The following MYO7B variants were observed in gnomAD, a reference collection of about 807,000 sequenced individuals.
MYO7B encodes the protein unconventional myosin-VIIb.
Under a neutral mutation model 259.7 loss-of-function variants are expected in MYO7B, and 212 were observed. That is an observed-to-expected ratio of 0.82 (90% CI 0.73 to 0.91). The LOEUF is 0.91. MYO7B is among the 40% of genes least tolerant of loss of function. The pLI, the probability that MYO7B is intolerant of heterozygous loss-of-function variation, is 0.00. For missense variants in MYO7B, 2,732 were observed against 2,813.5 expected (o/e 0.97, Z 0.66); for synonymous variants, 1,197 against 1,166.4 (o/e 1.03, Z -0.54).
rs1314536781 is a variant in MYO7B, at chr2:127,627,272, ACTCTCTTT to A, written c.4424_4431del (p.Leu1475ProfsTer25). On this transcript the variant is annotated frameshift_variant, in exon 33 of 48. Coordinates refer to ENST00000409816, the MANE Select transcript of MYO7B (RefSeq NM_001393586.1). LOFTEE classifies it high-confidence loss of function. The surrounding 1 kb of genome is among the most constrained non-coding windows in gnomAD (Gnocchi z 5.6). Reference sequence around the variant, plus strand: ...ACCAGCAGGAGAAGATGCTGCTGGAACTCTCTTTCCCAGAGGTCATGGGTCTGGCCACC... The same window carrying A: ...ACCAGCAGGAGAAGATGCTGCTGGAACCCAGAGGTCATGGGTCTGGCCACC... 1.9e-6 allele frequency: 3 copies of A among 1,611,228 alleles called. No individual in the cohort carries two copies. Among genetic ancestry groups the A allele is most frequent in the Non-Finnish European group, 2.5e-6 (3 of 1,179,484 alleles).
At chr2:127,598,533 A>T (rs1429078240) in intron 19 of MYO7B, among the ~76,000 whole-genome samples, 1 of 152,188 alleles carries the variant, frequency 6.6e-6, no homozygotes, top group East Asian at 1.9e-4. Context: ...TAGTCTGTAG[A>T]TTGTCTCTTC....
At chr2:127,617,487 G>GTTGT (rs1680614845) in intron 26 of MYO7B, among the ~76,000 whole-genome samples, 1 of 84,828 alleles carries the variant, frequency 1.2e-5, no homozygotes, top group Non-Finnish European at 2.2e-5. Context: ...TTGTAACGGG[G>GTTGT]TTTTTTTTTT....
intron 19 of MYO7B, among the ~76,000 whole-genome samples, chr2:127,598,080 A>C (rs1270954555): frequency 6.6e-6 from 1 of 152,118 alleles, no homozygotes; most frequent in East Asian, 1.9e-4. Flanking sequence ...AACATTTATG[A>C]GGTTTTTGTG....
At chr2:127,579,999 GAC>G (rs1425292821) in intron 9 of MYO7B, among the ~76,000 whole-genome samples, 1 of 152,202 alleles carries the variant, frequency 6.6e-6, no homozygotes, top group Non-Finnish European at 1.5e-5. Flanking sequence ...GGAGGAGAGG[GAC>G]ACAGTCTCAG....
At chr2:127,537,479 C>A (rs12616100) in intron 1 of MYO7B, among the ~76,000 whole-genome samples, 111,891 of 152,078 alleles carry the variant, frequency 0.74, 41,623 homozygotes, top group African/African-American at 0.84. Context: ...GGTCCACATA[C>A]CAAGCTGTTC....
rs116521436 is a variant in MYO7B, at chr2:127,619,473, C to T, written c.3399-867C>T. Among the ~76,000 whole-genome samples the T allele has an allele frequency of 6.6e-3, 1,000 of 152,066 alleles. 4 individuals are homozygous for T. Among genetic ancestry groups the T allele is most frequent in the Non-Finnish European group, 0.011 (742 of 67,978 alleles). On this transcript the variant is annotated intron_variant, in intron 26 of 47. Transcript: ENST00000409816. ...GGGCTCCAGGATGACCCCCAGATTT[C>T]CAGTTTGGGTGAATGGCTGATGGCG... is the stretch of plus-strand genomic sequence containing the variant.
At position 127,627,603 on chromosome 2, in the gene MYO7B, A is replaced by G. The variant is rs1047700180; in HGVS notation, c.4460+293A>G. The G allele has an allele frequency of 7.6e-6, 4 of 529,764 alleles. No homozygotes were observed. The highest frequency in any genetic ancestry group is 3.1e-5 in the South Asian group (2 of 65,198). The allele number at this position is 529,764 out of a possible 1,614,324, so 32.8% of individuals were successfully genotyped here. A position where few individuals can be genotyped will look rare whatever the true frequency, so the allele number is the denominator to read the frequency against. ...GGGAAGCGTGCAGCCTCTGGCGGGCACTTATTTAGAAGGCTCCTTTCTTTG... is the reference window on the plus strand; with the variant it reads ...GGGAAGCGTGCAGCCTCTGGCGGGCGCTTATTTAGAAGGCTCCTTTCTTTG... On this transcript the variant is annotated intron_variant, in intron 33 of 47. Transcript: ENST00000409816. The surrounding 1 kb of genome is among the most constrained non-coding windows in gnomAD (Gnocchi z 5.6).
In MYO7B at chr2:127,546,762, GTCCATCCATCCATCCATCCA is replaced by G. The variant is rs3034060; in HGVS notation, c.-24+10954_-24+10973del. 1.3e-5 allele frequency among the ~76,000 whole-genome samples: 2 copies of G among 149,432 alleles called. No homozygotes were observed. Among genetic ancestry groups the G allele is most frequent in the East Asian group, 2.0e-4 (1 of 5,006 alleles). On this transcript the variant is annotated intron_variant, in intron 1 of 47. Transcript: ENST00000409816. This position sits in a 1 kb window ranked among gnomAD's most constrained non-coding sequence, Gnocchi z 4.2. The stretch of plus-strand genomic sequence containing the variant: ...ATGCCTCACCTGCTTTCCTGGGTAG[GTCCATCCATCCATCCATCCA>G]TCCATCCATCCATCCATCCATCAAT...
chr2:127,547,308 A>G (rs1693270921), intron 1 of MYO7B, among the ~76,000 whole-genome samples: 1 of 152,226 alleles, frequency 6.6e-6, no homozygotes, highest in Admixed American at 6.5e-5. Flanking sequence ...ACATAAAAAC[A>G]GGGATAAATG....
intron 24 of MYO7B, 33 bp downstream of exon 24, chr2:127,610,049 C>A (rs141289493): frequency 4.4e-6 from 7 of 1,599,172 alleles, no homozygotes; most frequent in South Asian, 1.1e-5. Context: ...CAGAGGAGGG[C>A]GACACCTACC....
chr2:127,582,044 A>G (rs1278530859), intron 11 of MYO7B, 34 bp downstream of exon 11: 2 of 1,612,552 alleles, frequency 1.2e-6, no homozygotes, highest in African/African-American at 1.3e-5. Flanking sequence ...TTACATGGCC[A>G]TCTGTTGACC....
At position 127,559,927 on chromosome 2, in the gene MYO7B, G is replaced by A. The variant is rs1160894451; in HGVS notation, c.18+187G>A. ...ACAAGTTTGGCCAGCCACTGGCCTCGGCAATACATGTATAGTTATGTATAG... is the reference window on the plus strand; with the variant it reads ...ACAAGTTTGGCCAGCCACTGGCCTCAGCAATACATGTATAGTTATGTATAG... On this transcript the variant is annotated intron_variant, in intron 2 of 47. Transcript: ENST00000409816. The surrounding 1 kb of genome is among the most constrained non-coding windows in gnomAD (Gnocchi z 4.1). Among the ~76,000 whole-genome samples the A allele has an allele frequency of 3.9e-5, 6 of 152,090 alleles. No individual in the cohort carries two copies. The highest frequency in any genetic ancestry group is 6.5e-5 in the Admixed American group (1 of 15,274).
In MYO7B at chr2:127,613,793, G is replaced by A. The variant is rs1206454430; in HGVS notation, c.3398+1190G>A. ...AACTCTGTCTCCTCCATGATGAGCA[G>A]AAGCTAGAATCCCTTTTTAGTTATT... On this transcript the variant is annotated intron_variant, in intron 26 of 47. Coordinates refer to ENST00000409816, the MANE Select transcript of MYO7B (RefSeq NM_001393586.1). The surrounding 1 kb of genome is among the most constrained non-coding windows in gnomAD (Gnocchi z 4.3). 6.6e-6 allele frequency among the ~76,000 whole-genome samples: 1 copy of A among 152,228 alleles called. No individual in the cohort carries two copies. Among genetic ancestry groups the A allele is most frequent in the Non-Finnish European group, 1.5e-5 (1 of 68,048 alleles).
intron 6 of MYO7B, 89 bp downstream of exon 6, chr2:127,569,999 C>T (rs1678527626): frequency 7.0e-7 from 1 of 1,421,762 alleles, no homozygotes; most frequent in Non-Finnish European, 9.4e-7. Context: ...CAGGATAGGC[C>T]ACAAACCTTC....
rs1243062875 is a variant in MYO7B at position 127,629,681 on chromosome 2, T to C, written c.4661T>C (p.Leu1554Pro). ...CTCCTGGCCTTCAAGAAGGGGGACC[T>C]GTTGGTCCTCACAAAGAAGCAGGGG... The part of the protein sequence containing the change: ...TTLLAFKKGD[L>P]LVLTKKQGLL... Residue 1554 changes from leucine to proline, a missense_variant, in exon 35 of 48, where the codon CTG becomes CCG. Around this residue, in one of 3 missense-constraint regions of MYO7B, gnomAD observed 821 missense variants for 769.3 expected, o/e 1.07. Coordinates refer to ENST00000409816, the MANE Select transcript of MYO7B (RefSeq NM_001393586.1). The C allele has an allele frequency of 6.2e-7, 1 of 1,612,380 alleles. No homozygotes were observed. Among genetic ancestry groups the C allele is most frequent in the Non-Finnish European group, 8.5e-7 (1 of 1,179,434 alleles).
chr2:127,586,529 A>T lies in MYO7B; in HGVS notation c.1690+1616A>T, dbSNP rs549589605. On this transcript the variant is annotated intron_variant, in intron 14 of 47. Coordinates refer to ENST00000409816, the MANE Select transcript of MYO7B (RefSeq NM_001393586.1). This position sits in a 1 kb window ranked among gnomAD's most constrained non-coding sequence, Gnocchi z 4.8. Reference sequence around the variant, plus strand: ...AAGGGAAAGGTGCCGTGGCTCCTTCATAGTTCCTGCCACATCCTGGCTTTG... The same window carrying T: ...AAGGGAAAGGTGCCGTGGCTCCTTCTTAGTTCCTGCCACATCCTGGCTTTG... Among the ~76,000 whole-genome samples, 8 of 152,186 alleles carry T rather than the reference A, an allele frequency of 5.3e-5. No individual in the cohort carries two copies. The highest frequency in any genetic ancestry group is 1.0e-4 in the Non-Finnish European group (7 of 68,038).
rs1178579290 is a variant in MYO7B at position 127,619,244 on chromosome 2, C to G, written c.3399-1096C>G. 1.3e-3 allele frequency among the ~76,000 whole-genome samples: 126 copies of G among 95,330 alleles called. 1 individual carries two copies. The highest frequency in any genetic ancestry group is 5.2e-3 in the African/African-American group (118 of 22,730). The allele number at this position is 95,330 out of a possible 152,430, so 62.5% of individuals were successfully genotyped here. A position where few individuals can be genotyped will look rare whatever the true frequency, so the allele number is the denominator to read the frequency against. ...GTGGGGGGTGGTTGGGTTGTGGGGGCTGGTTGGGTTGTGGCCAGTTGGATG... is the reference window on the plus strand; with the variant it reads ...GTGGGGGGTGGTTGGGTTGTGGGGGGTGGTTGGGTTGTGGCCAGTTGGATG... On this transcript the variant is annotated intron_variant, in intron 26 of 47. Coordinates refer to ENST00000409816, the MANE Select transcript of MYO7B (RefSeq NM_001393586.1).
rs1681783017 is a variant in MYO7B, at chr2:127,636,029, G to A, written c.6006+122G>A. The stretch of plus-strand genomic sequence containing the variant: ...GTGCACATGGGTGGTGTGGAGGGTG[G>A]GCTGGCTCTGCACACACCACGCCTT... On this transcript the variant is annotated intron_variant, in intron 44 of 47. Coordinates refer to ENST00000409816, the MANE Select transcript of MYO7B (RefSeq NM_001393586.1). The surrounding 1 kb of genome is among the most constrained non-coding windows in gnomAD (Gnocchi z 4.5). 1 of 1,287,796 alleles carries A rather than the reference G, an allele frequency of 7.8e-7. No homozygotes were observed. Among genetic ancestry groups the A allele is most frequent in the African/African-American group, 1.5e-5 (1 of 67,286 alleles). 79.8% of individuals were successfully genotyped at this position (1,287,796 alleles called of 1,614,324 possible).
rs560439195 is a variant in MYO7B at position 127,624,141 on chromosome 2, C to T, written c.3868C>T (p.Arg1290Trp). The T allele has an allele frequency of 1.2e-5, 19 of 1,593,346 alleles. No individual in the cohort carries two copies. The highest frequency in any genetic ancestry group is 9.1e-5 in the South Asian group (8 of 87,618). ...GRDHMMDAIARCEQMAQERGE... is the reference protein window; with the variant it reads ...GRDHMMDAIAWCEQMAQERGE... ...CGACCACATGATGGATGCCATCGCC[C>T]GGTGTGAGCAGATGGCCCAGGAGAG... The change falls in exon 30 of 48, where the codon CGG becomes TGG. Residue 1290 changes from arginine (R) to tryptophan (W), a missense_variant. Arg to Trp is a moderately radical substitution (Grantham distance 101, BLOSUM62 -3). This residue lies in a region of MYO7B where 1,906 missense variants were observed against 2,026.4 expected (regional missense o/e 0.94). Coordinates refer to ENST00000409816, the MANE Select transcript of MYO7B (RefSeq NM_001393586.1).
Sources: allele counts gnomAD v4.1 joint callset (sites outside exome capture counted in the v4.1 genomes callset), GRCh38; gene constraint gnomAD v4.1.1; regional missense constraint gnomAD v4.1.1; non-coding constraint Gnocchi (gnomAD v3.1); transcripts MANE v1.5; gene names NCBI Gene and HGNC (gene_info 2026-07-23, HGNC 2026-07-21).